Variants in ACVR1 observed in about 807,000 individuals in gnomAD.
ACVR1 encodes activin A receptor type 1.
Under a neutral mutation model 57.1 loss-of-function variants are expected in ACVR1, and 38 were observed. The ratio of observed to expected loss-of-function variants is 0.67; its 90% CI spans 0.51 to 0.87. The LOEUF is 0.87. Ranked by LOEUF, ACVR1 falls within the 40% of genes least tolerant of loss-of-function variation. The probability of loss-of-function intolerance (pLI) is 0.00; values close to 1 mark genes in which losing one functional copy is unlikely to be tolerated. For missense variants in ACVR1, 463 were observed against 638.2 expected (o/e 0.73, Z 2.96); for synonymous variants, 212 against 228.1 (o/e 0.93, Z 0.63).
intron 4 of ACVR1, among the ~76,000 whole-genome samples, chr2:157,779,837 G>A (rs1686435906): frequency 6.6e-6 from 1 of 152,150 alleles, no homozygotes; most frequent in African/African-American, 2.4e-5. Context: ...AAATTTCAGT[G>A]ATAGGGTCAC....
rs114997462 is a variant in ACVR1, at chr2:157,805,153, T to C, written c.-7-5653A>G. Among the ~76,000 whole-genome samples the C allele has an allele frequency of 2.5e-3, 378 of 152,338 alleles. 1 individual carries two copies. The highest frequency in any genetic ancestry group is 8.2e-3 in the African/African-American group (342 of 41,580). On this transcript the variant is annotated intron_variant, in intron 2 of 10. Transcript: ENST00000434821. ...CTGAAAACTAGACTTATGGGTAGCA[T>C]ACAGTTAACTATAATATTGAGGATG...
At chr2:157,802,786 T>C (rs1018964211) in intron 2 of ACVR1, among the ~76,000 whole-genome samples, 1 of 152,202 alleles carries the variant, frequency 6.6e-6, no homozygotes, top group Non-Finnish European at 1.5e-5. Flanking sequence ...CTGTGTGTGC[T>C]TTTGAACATC....
chr2:157,805,518 C>A (rs1320837925), intron 2 of ACVR1, among the ~76,000 whole-genome samples: 1 of 152,124 alleles, frequency 6.6e-6, no homozygotes, highest in Non-Finnish European at 1.5e-5. Context: ...TATCTTTAGG[C>A]ATTCTGTACT....
chr2:157,864,543 T>G (rs1689847849), intron 1 of ACVR1, among the ~76,000 whole-genome samples: 1 of 152,202 alleles, frequency 6.6e-6, no homozygotes, highest in Non-Finnish European at 1.5e-5. Context: ...AAATTCCCAT[T>G]AAATTTTGTT....
intron 1 of ACVR1, among the ~76,000 whole-genome samples, chr2:157,859,198 G>T (rs1689641070): frequency 6.6e-6 from 1 of 152,138 alleles, no homozygotes; most frequent in Non-Finnish European, 1.5e-5. Context: ...GATAAAACAG[G>T]TTGCGGTAAA....
At chr2:157,782,615 C>T (rs575182018) in intron 3 of ACVR1, among the ~76,000 whole-genome samples, 1 of 152,270 alleles carries the variant, frequency 6.6e-6, no homozygotes, top group African/African-American at 2.4e-5. Context: ...TCTAGACATG[C>T]TTGCCACTCT....
rs186609312 is a variant in ACVR1, at chr2:157,831,304, T to C, written c.-182-12745A>G. On this transcript the variant is annotated intron_variant, in intron 1 of 10. Transcript: ENST00000434821. Reference sequence around the variant, plus strand: ...AAGAGTAGGAAGATCCAAGGAATAATAAATGGCTGTTATTAGCATTTGCTG... The same window carrying C: ...AAGAGTAGGAAGATCCAAGGAATAACAAATGGCTGTTATTAGCATTTGCTG... Among the ~76,000 whole-genome samples, 398 of 152,280 alleles carry C rather than the reference T, an allele frequency of 2.6e-3. 2 individuals carry two copies. Among genetic ancestry groups the C allele is most frequent in the African/African-American group, 9.1e-3 (380 of 41,550 alleles).
intron 3 of ACVR1, among the ~76,000 whole-genome samples, chr2:157,780,972 G>A (rs75150361): frequency 2.6e-3 from 391 of 152,060 alleles, no homozygotes; most frequent in Non-Finnish European, 4.4e-3. Context: ...TGTTTTACTG[G>A]AACATAATGT....
At chr2:157,787,414 A>G (rs1686752961) in intron 3 of ACVR1, among the ~76,000 whole-genome samples, 1 of 152,194 alleles carries the variant, frequency 6.6e-6, no homozygotes, top group Non-Finnish European at 1.5e-5. Context: ...GGAACTGCCT[A>G]CTGAGGAATA....
chr2:157,784,202 T>A (rs1047457856), intron 3 of ACVR1, among the ~76,000 whole-genome samples: 3 of 151,862 alleles, frequency 2.0e-5, no homozygotes, highest in African/African-American at 7.3e-5. Flanking sequence ...GGAGTGGGGG[T>A]GGGGTTCGAG....
At chr2:157,844,384 C>G (rs1017434648) in intron 1 of ACVR1, among the ~76,000 whole-genome samples, 4 of 152,062 alleles carry the variant, frequency 2.6e-5, no homozygotes, top group Non-Finnish European at 2.9e-5. Flanking sequence ...CCTCCAGAGG[C>G]CTTTCTCAGC....
intron 5 of ACVR1, 150 bp downstream of exon 5, chr2:157,777,981 A>G (rs1686355274): frequency 1.3e-6 from 1 of 791,400 alleles, no homozygotes; most frequent in South Asian, 1.5e-5. Context: ...CACAGGTGCC[A>G]GCATGTGCTT....
rs960555812 is a variant in ACVR1 at position 157,765,271 on chromosome 2, C to G, written c.1066+650G>C. Among the ~76,000 whole-genome samples, 15 of 152,174 alleles carry G rather than the reference C, an allele frequency of 9.9e-5. 2 individuals are homozygous for G. The highest frequency in any genetic ancestry group is 8.5e-4 in the Admixed American group (13 of 15,278). Reference sequence around the variant, plus strand: ...GTGAATCAGTTCGGGGATTATTTTCCTATTTCTTAACTTGATTCTTTTGCC... The same window carrying G: ...GTGAATCAGTTCGGGGATTATTTTCGTATTTCTTAACTTGATTCTTTTGCC... On this transcript the variant is annotated intron_variant, in intron 8 of 10. Transcript: ENST00000434821.
In ACVR1 at chr2:157,876,163, T is replaced by C. The variant is rs1243004782; in HGVS notation, c.-550A>G. Among the ~76,000 whole-genome samples the C allele has an allele frequency of 7.3e-6, 1 of 136,216 alleles. No homozygotes were observed. The highest frequency in any genetic ancestry group is 2.8e-5 in the African/African-American group (1 of 35,540). 89.4% of individuals were successfully genotyped at this position (136,216 alleles called of 152,430 possible). The stretch of plus-strand genomic sequence containing the variant: ...AGGAAGGGGAGGAGGGCGGGCAGAA[T>C]AAACTTCCCGAGGCGCAGAGGCTCG... On this transcript the variant is annotated 5_prime_UTR_variant, in exon 1 of 11. Coordinates refer to ENST00000434821, the MANE Select transcript of ACVR1 (RefSeq NM_001111067.4).
At chr2:157,821,851 A>G (rs1688172215) in intron 1 of ACVR1, among the ~76,000 whole-genome samples, 1 of 152,228 alleles carries the variant, frequency 6.6e-6, no homozygotes, top group Admixed American at 6.5e-5. Flanking sequence ...ATCCAGTTTA[A>G]AAGAACATGC....
At chr2:157,766,277 A>C (rs1685857515) in intron 7 of ACVR1, 81 bp from the exon 8 acceptor site, 2 of 1,409,416 alleles carry the variant, frequency 1.4e-6, no homozygotes, top group Non-Finnish European at 2.0e-6. Context: ...CGACCTACAC[A>C]GTAAATGTCA....
Position 157,866,993 on chromosome 2 carries a change from C to G in ACVR1, c.-183+8803G>C, listed in dbSNP as rs1428104254. ...CAATACAAAGCCAAAGCCCCAAACC[C>G]TATCTCCAGAGTTTCAGTTCCATTT... On this transcript the variant is annotated intron_variant, in intron 1 of 10. Coordinates refer to ENST00000434821, the MANE Select transcript of ACVR1 (RefSeq NM_001111067.4). Among the ~76,000 whole-genome samples, 47 of 152,222 alleles carry G rather than the reference C, an allele frequency of 3.1e-4. 1 individual carries two copies. The highest frequency in any genetic ancestry group is 2.9e-5 in the Non-Finnish European group (2 of 68,036).
chr2:157,791,316 A>G (rs1391746179), intron 3 of ACVR1, among the ~76,000 whole-genome samples: 4 of 152,240 alleles, frequency 2.6e-5, no homozygotes, highest in Non-Finnish European at 4.4e-5. Context: ...CACTTTTCCC[A>G]AACTCATAAT....
chr2:157,745,161 G>A (rs1270638898), intron 9 of ACVR1, among the ~76,000 whole-genome samples: 2 of 152,198 alleles, frequency 1.3e-5, no homozygotes, highest in African/African-American at 2.4e-5. Flanking sequence ...ATAGATTACT[G>A]TGTAGTTGGA....
Sources: allele counts gnomAD v4.1 joint callset (sites outside exome capture counted in the v4.1 genomes callset), GRCh38; gene constraint gnomAD v4.1.1; transcripts MANE v1.5; gene names NCBI Gene and HGNC (gene_info 2026-07-23, HGNC 2026-07-21).